FGF13: variants seen among roughly 807,000 people sequenced by gnomAD.
The protein encoded by FGF13 is fibroblast growth factor homologous factor 2.
Under a neutral mutation model 19.5 loss-of-function variants are expected in FGF13, and 2 were observed. That is an observed-to-expected ratio of 0.10 (90% CI 0.04 to 0.32). The LOEUF is 0.32. Ranked by LOEUF, FGF13 falls within the 10% of genes least tolerant of loss-of-function variation. The pLI is 1.00. For missense variants in FGF13, 113 were observed against 192.7 expected (o/e 0.59, Z 2.45); for synonymous variants, 72 against 76.9 (o/e 0.94, Z 0.33).
Position 139,000,338 on chromosome X carries a change from C to A in FGF13, c.-112-135688G>T, listed in dbSNP as rs1267173415. Among the ~76,000 whole-genome samples the A allele has an allele frequency of 2.7e-5, 3 of 111,303 alleles. No individual in the cohort carries two copies. The East Asian group carries it at 8.4e-4, about 31-fold the overall frequency. On this transcript the variant is annotated intron_variant, in intron 1 of 2. Coordinates refer to the FGF13 transcript ENST00000421460. ...ATAGTATTGTAAGTTCTGGTCAGAG[C>A]AATAAGGCAAGAGAAAGAGATAAAG...
intron 1 of FGF13, among the ~76,000 whole-genome samples, chrX:138,928,299 A>C (rs1353060762): frequency 9.1e-6 from 1 of 110,394 alleles, no homozygotes; most frequent in Non-Finnish European, 1.9e-5. Flanking sequence ...TACATAATTT[A>C]TAAATTTTAA....
At chrX:138,995,779 G>T (rs769765767) in intron 1 of FGF13, among the ~76,000 whole-genome samples, 2 of 112,306 alleles carry the variant, frequency 1.8e-5, no homozygotes, top group Non-Finnish European at 3.8e-5. Context: ...CTGTGTGCAT[G>T]TGTCTTTATG....
At chrX:138,795,511 AC>A (rs1054508435) in intron 3 of FGF13, among the ~76,000 whole-genome samples, 25 of 112,170 alleles carry the variant, frequency 2.2e-4, no homozygotes, top group Admixed American at 1.1e-3. Context: ...GTTCAGGAAC[AC>A]ACAGCCTATG....
intron 1 of FGF13, among the ~76,000 whole-genome samples, chrX:138,966,157 G>A (rs2091894032): frequency 8.9e-6 from 1 of 111,922 alleles, no homozygotes; most frequent in African/African-American, 3.2e-5. Flanking sequence ...GAAGGGAAAT[G>A]TGGGGTCGGA....
At chrX:139,178,067 A>T (rs1323456876) in intron 1 of FGF13, among the ~76,000 whole-genome samples, 1 of 111,305 alleles carries the variant, frequency 9.0e-6, no homozygotes, top group Admixed American at 9.5e-5. Flanking sequence ...GCCCAATGAG[A>T]TGAGCTGGGT....
intron 1 of FGF13, among the ~76,000 whole-genome samples, chrX:138,867,352 G>C (rs917272525): frequency 1.8e-5 from 2 of 111,174 alleles, no homozygotes; most frequent in Non-Finnish European, 3.8e-5. Flanking sequence ...CCACGAGTTC[G>C]AGGCTGCAGT....
chrX:139,054,838 C>G (rs1022473030), intron 1 of FGF13, among the ~76,000 whole-genome samples: 5 of 105,095 alleles, frequency 4.8e-5, no homozygotes, highest in Non-Finnish European at 5.8e-5. Flanking sequence ...GGTCTTTAAC[C>G]TCCTTGGTTA....
intron 1 of FGF13, among the ~76,000 whole-genome samples, chrX:139,151,330 G>A (rs887247676): frequency 1.8e-5 from 2 of 111,519 alleles, no homozygotes; most frequent in South Asian, 7.5e-4. Flanking sequence ...TCCATTGATC[G>A]CCCATTCTAA....
At chrX:138,741,121 C>A (rs1018706829), upstream of FGF13, among the ~76,000 whole-genome samples, 7 of 112,440 alleles carry the variant, frequency 6.2e-5, no homozygotes, top group Admixed American at 2.8e-4. Context: ...GTGCCAACTT[C>A]CTTCAAACAA....
intron 3 of FGF13, among the ~76,000 whole-genome samples, chrX:138,789,254 C>T (rs764995067): frequency 5.4e-5 from 6 of 110,399 alleles, no homozygotes; most frequent in Admixed American, 4.8e-4. Flanking sequence ...CTGCAACCTC[C>T]GCCTCCCGGG....
intron 1 of FGF13, among the ~76,000 whole-genome samples, chrX:138,720,720 A>G (rs1444913394): frequency 1.8e-5 from 2 of 111,644 alleles, no homozygotes; most frequent in Non-Finnish European, 3.8e-5. Context: ...ACTGAAGATG[A>G]ATGTGGGAGG....
intron 3 of FGF13, among the ~76,000 whole-genome samples, chrX:138,755,026 G>T (rs2090423020): frequency 8.9e-6 from 1 of 111,834 alleles, no homozygotes; most frequent in Non-Finnish European, 1.9e-5. Context: ...TTAGCCAGGA[G>T]CATGACTATG....
chrX:139,111,571 T>C (rs772100382), intron 1 of FGF13, among the ~76,000 whole-genome samples: 42 of 112,216 alleles, frequency 3.7e-4, no homozygotes, highest in African/African-American at 1.3e-3. Flanking sequence ...ATATTAACTC[T>C]ATTTTATAGG....
chrX:139,198,781 T>C (rs1218321432), intron 1 of FGF13, among the ~76,000 whole-genome samples: 1 of 110,963 alleles, frequency 9.0e-6, no homozygotes, highest in Non-Finnish European at 1.9e-5. Flanking sequence ...AGGAAAAAAA[T>C]GGCCATCCAA....
intron 2 of FGF13, among the ~76,000 whole-genome samples, chrX:138,704,144 TTTATTA>T (rs2089973496): frequency 8.9e-6 from 1 of 112,032 alleles, no homozygotes; most frequent in Admixed American, 9.5e-5. Context: ...ATTTTATTAT[TTTATTA>T]TTATTATTTT....
chrX:138,945,239 T>C (rs1477520658), intron 1 of FGF13, among the ~76,000 whole-genome samples: 1 of 111,366 alleles, frequency 9.0e-6, no homozygotes, highest in Non-Finnish European at 1.9e-5. Flanking sequence ...GTATTCTTCA[T>C]TGCTATGAAG....
chrX:138,963,734 T>C, intron 1 of FGF13, among the ~76,000 whole-genome samples: 1 of 112,272 alleles, frequency 8.9e-6, no homozygotes, highest in Middle Eastern at 4.6e-3. Context: ...ATGGTTAGTG[T>C]TTTGCTTACT....
At chrX:139,109,453 T>C (rs2083585607) in intron 1 of FGF13, among the ~76,000 whole-genome samples, 1 of 111,588 alleles carries the variant, frequency 9.0e-6, no homozygotes, top group African/African-American at 3.3e-5. Flanking sequence ...AAAGAAGACA[T>C]GGCAGGAGAA....
chrX:138,750,126 G>T (rs1208905939), intron 3 of FGF13, among the ~76,000 whole-genome samples: 1 of 111,786 alleles, frequency 8.9e-6, no homozygotes, highest in Non-Finnish European at 1.9e-5. Context: ...GGACTGCAAT[G>T]GGGAGGGGAA....
Sources: gnomAD v4.1 joint callset for allele counts (sites outside exome capture counted in the v4.1 genomes callset) on GRCh38, gnomAD v4.1.1 for gene constraint, MANE v1.5 for transcripts, NCBI Gene and HGNC (gene_info 2026-07-23, HGNC 2026-07-21) for gene names.